The following PPM1H variants were observed in gnomAD, a reference collection of about 807,000 sequenced individuals.
The protein encoded by PPM1H is protein phosphatase 1H.
In PPM1H, 27 loss-of-function variants were observed where a neutral mutation model predicts 54.9. The observed-to-expected ratio is 0.49, with a 90% CI of 0.36 to 0.68. The LOEUF (loss-of-function observed/expected upper bound fraction) is 0.68, where lower values mean the gene tolerates loss of function less well. Ranked by LOEUF, PPM1H falls within the 30% of genes least tolerant of loss-of-function variation. The probability of loss-of-function intolerance (pLI) is 0.00; values close to 1 mark genes in which losing one functional copy is unlikely to be tolerated. For synonymous variants in PPM1H, 305 were observed against 270.8 expected (o/e 1.13, Z -1.24); for missense variants, 596 against 667.8 (o/e 0.89, Z 1.19).
chr12:62,778,410 T>C (rs1390590263), intron 4 of PPM1H, among the ~76,000 whole-genome samples: 1 of 152,214 alleles, frequency 6.6e-6, no homozygotes, highest in African/African-American at 2.4e-5. Flanking sequence ...AAATGTTGTG[T>C]GTCTCTACCA....
chr12:62,788,232 T>A lies in PPM1H; in HGVS notation c.863A>T (p.Asp288Val). ...LGKLYVANAGDSRAIIIRNGE... is the reference protein window; with the variant it reads ...LGKLYVANAGVSRAIIIRNGE... ...AGACAGCTCATCTGCTTACCTGCTA[T>A]CCCCAGCATTTGCAACATACAGCTT... is the stretch of plus-strand genomic sequence containing the variant. Residue 288 changes from aspartate (D) to valine (V), a missense_variant, in exon 4 of 10, where the codon GAT becomes GTT. Asp to Val is a radical substitution (Grantham distance 152, BLOSUM62 -3). This residue lies in a region of PPM1H where 382 missense variants were observed against 387.1 expected (regional missense o/e 0.99). Coordinates refer to ENST00000228705, the MANE Select transcript of PPM1H (RefSeq NM_020700.2). The A allele has an allele frequency of 6.3e-7, 1 of 1,583,488 alleles. No homozygotes were observed. Among genetic ancestry groups the A allele is most frequent in the Non-Finnish European group, 8.6e-7 (1 of 1,160,294 alleles).
chr12:62,744,804 T>C (rs2076401437), intron 4 of PPM1H, among the ~76,000 whole-genome samples: 1 of 152,184 alleles, frequency 6.6e-6, no homozygotes, highest in Non-Finnish European at 1.5e-5. Context: ...CCCACTAGCC[T>C]AGGAGTCTCC....
At chr12:62,799,894 C>G (rs1257729750) in intron 3 of PPM1H, among the ~76,000 whole-genome samples, 1 of 152,130 alleles carries the variant, frequency 6.6e-6, no homozygotes, top group Non-Finnish European at 1.5e-5. Flanking sequence ...AAGGAGGTCA[C>G]CACATTGACA....
chr12:62,832,447 A>T (rs1868381059), intron 1 of PPM1H, among the ~76,000 whole-genome samples, 168 bp from the exon 2 acceptor site: 1 of 152,150 alleles, frequency 6.6e-6, no homozygotes. Flanking sequence ...ATAAATGAAA[A>T]TTTTTTAATG....
chr12:62,737,748 C>T (rs1298350061), intron 4 of PPM1H, among the ~76,000 whole-genome samples, 162 bp from the exon 5 acceptor site: 1 of 152,192 alleles, frequency 6.6e-6, no homozygotes, highest in African/African-American at 2.4e-5. Context: ...TCCCTCACCA[C>T]ATGAGAGGCA....
Position 62,644,427 on chromosome 12 carries a change from C to CATCA in PPM1H, c.*4058_*4061dup, listed in dbSNP as rs1479419247. The CATCA allele has an allele frequency of 6.6e-6, 1 of 152,236 alleles. No individual in the cohort carries two copies. The highest frequency in any genetic ancestry group is 2.4e-5 in the African/African-American group (1 of 41,458). 9.4% of individuals were successfully genotyped at this position (152,236 alleles called of 1,614,324 possible). ...GAGGACACAGGTTCTCCTTCAAGTA[C>CATCA]ATCACAGTAGAAAACTACAGCACAT... is the stretch of plus-strand genomic sequence containing the variant. On this transcript the variant is annotated 3_prime_UTR_variant, in exon 10 of 10. Coordinates refer to ENST00000228705, the MANE Select transcript of PPM1H (RefSeq NM_020700.2).
chr12:62,655,171 A>G (rs1406887396), intron 9 of PPM1H, among the ~76,000 whole-genome samples: 1 of 152,168 alleles, frequency 6.6e-6, no homozygotes, highest in Non-Finnish European at 1.5e-5. Context: ...AGCTTTCCTC[A>G]TAGATTCATT....
chr12:62,917,476 A>G (rs1179070899), intron 1 of PPM1H, among the ~76,000 whole-genome samples: 3 of 152,238 alleles, frequency 2.0e-5, no homozygotes, highest in Non-Finnish European at 4.4e-5. Context: ...CTTACAAATT[A>G]TAATTTGGCT....
intron 2 of PPM1H, among the ~76,000 whole-genome samples, chr12:62,810,520 T>C (rs139249928): frequency 6.6e-6 from 1 of 152,376 alleles, no homozygotes; most frequent in East Asian, 1.9e-4. Context: ...CCCCTCATAC[T>C]GTTGGCAAAG....
At chr12:62,722,577 A>T (rs1358265682) in intron 5 of PPM1H, among the ~76,000 whole-genome samples, 2 of 152,196 alleles carry the variant, frequency 1.3e-5, no homozygotes, top group Non-Finnish European at 2.9e-5. Flanking sequence ...GAGGCCTGTG[A>T]TCCTTTGCAC....
intron 1 of PPM1H, among the ~76,000 whole-genome samples, chr12:62,855,972 A>T (rs1413277870): frequency 6.6e-6 from 1 of 152,174 alleles, no homozygotes; most frequent in African/African-American, 2.4e-5. Context: ...ATCCACTACT[A>T]TTTAAGGCAA....
intron 1 of PPM1H, among the ~76,000 whole-genome samples, chr12:62,907,221 G>A (rs1162992134): frequency 1.3e-5 from 2 of 152,168 alleles, no homozygotes; most frequent in Non-Finnish European, 2.9e-5. Context: ...TGGGAGAAAG[G>A]CAACAAAGCA....
intron 8 of PPM1H, among the ~76,000 whole-genome samples, chr12:62,675,584 G>A (rs1207043950): frequency 6.6e-6 from 1 of 152,248 alleles, no homozygotes; most frequent in Non-Finnish European, 1.5e-5. Flanking sequence ...GAAGGCAGGT[G>A]AGGCAGAGAG....
intron 1 of PPM1H, among the ~76,000 whole-genome samples, chr12:62,916,387 G>A (rs1243797735): frequency 6.6e-6 from 1 of 152,092 alleles, no homozygotes; most frequent in African/African-American, 2.4e-5. Flanking sequence ...AACATCTTCT[G>A]TTTTGGTATC....
rs545505571 is a variant in PPM1H at position 62,646,880 on chromosome 12, ATCCTC to A, written c.*1604_*1608del. The A allele has an allele frequency of 6.6e-6, 1 of 152,162 alleles. No individual in the cohort carries two copies. Among genetic ancestry groups the A allele is most frequent in the Non-Finnish European group, 1.5e-5 (1 of 68,038 alleles). 9.4% of individuals were successfully genotyped at this position (152,162 alleles called of 1,614,324 possible). A position where few individuals can be genotyped will look rare whatever the true frequency, so the allele number is the denominator to read the frequency against. The stretch of plus-strand genomic sequence containing the variant: ...TTACTGCCCTGGAGGAGAGGTTCCT[ATCCTC>A]TCCTCTGGGAAGAAATTCAAACAAA... On this transcript the variant is annotated 3_prime_UTR_variant, in exon 10 of 10. Transcript: ENST00000228705.
intron 2 of PPM1H, among the ~76,000 whole-genome samples, chr12:62,825,665 T>A (rs896722809): frequency 2.0e-5 from 3 of 152,012 alleles, no homozygotes; most frequent in African/African-American, 7.2e-5. Flanking sequence ...TTCTCACTCA[T>A]AGGTGGGAGT....
At chr12:62,842,810 A>C (rs1465184465) in intron 1 of PPM1H, among the ~76,000 whole-genome samples, 1 of 152,212 alleles carries the variant, frequency 6.6e-6, no homozygotes, top group Non-Finnish European at 1.5e-5. Context: ...TTTCTCTGCT[A>C]GAAATTGGAG....
intron 8 of PPM1H, 142 bp from the exon 9 acceptor site, chr12:62,667,471 G>C (rs906233200): frequency 1.3e-6 from 1 of 743,726 alleles, no homozygotes; most frequent in Non-Finnish European, 2.1e-6. Context: ...TGATTATACA[G>C]CGAGCTGTGT....
chr12:62,742,554 T>G (rs531094239), intron 4 of PPM1H, among the ~76,000 whole-genome samples: 15 of 152,344 alleles, frequency 9.8e-5, no homozygotes, highest in Admixed American at 9.8e-4. Flanking sequence ...AGAAATGCCT[T>G]TAAAGCTACA....
Sources: allele counts gnomAD v4.1 joint callset (sites outside exome capture counted in the v4.1 genomes callset), GRCh38; gene constraint gnomAD v4.1.1; regional missense constraint gnomAD v4.1.1; transcripts MANE v1.5; gene names NCBI Gene and HGNC (gene_info 2026-07-23, HGNC 2026-07-21).